The following ZPLD1 variants were observed in gnomAD, a reference collection of about 807,000 sequenced individuals.
ZPLD1 encodes zona pellucida like domain containing 1, also known as zona pellucida-like domain-containing protein 1.
A neutral mutation model predicts 47.2 loss-of-function variants in ZPLD1; 34 were observed. The ratio of observed to expected loss-of-function variants is 0.72; its 90% CI spans 0.55 to 0.96. The LOEUF (loss-of-function observed/expected upper bound fraction) is 0.96. Ranked by LOEUF, ZPLD1 falls within the 40% of genes least tolerant of loss-of-function variation. The pLI, the probability that ZPLD1 is intolerant of heterozygous loss-of-function variation, is 0.00. For missense variants in ZPLD1, 512 were observed against 505.8 expected (o/e 1.01, Z -0.12); for synonymous variants, 176 against 186.2 (o/e 0.95, Z 0.45).
At chr3:102,433,666 T>TCCCG (rs1707044749), upstream of ZPLD1, among the ~76,000 whole-genome samples, 1 of 152,168 alleles carries the variant, frequency 6.6e-6, no homozygotes, top group Non-Finnish European at 1.5e-5. Flanking sequence ...TAACTGGGAC[T>TCCCG]AAGGCACCCG....
At chr3:102,476,907 A>G (rs1707765727) in intron 10 of ZPLD1, 105 bp from the exon 11 acceptor site, 2 of 1,333,136 alleles carry the variant, frequency 1.5e-6, no homozygotes, top group Non-Finnish European at 2.1e-6. Flanking sequence ...GTAAGAGGAG[A>G]TAACAGGTAA....
chr3:102,469,364 G>T (rs577231598), intron 9 of ZPLD1, among the ~76,000 whole-genome samples: 1 of 152,178 alleles, frequency 6.6e-6, no homozygotes, highest in Non-Finnish European at 1.5e-5. Context: ...AATTTAATTA[G>T]ATTATTCTTT....
chr3:102,445,080 A>G (rs183838470), intron 3 of ZPLD1, among the ~76,000 whole-genome samples: 2 of 152,158 alleles, frequency 1.3e-5, no homozygotes. Context: ...TTATGAAAAC[A>G]CTGCCCCGCT....
At chr3:102,426,248 T>G (rs566449257) in intron 8 of ZPLD1, among the ~76,000 whole-genome samples, 1 of 152,188 alleles carries the variant, frequency 6.6e-6, no homozygotes, top group South Asian at 2.1e-4. Context: ...CCGGGTGCGG[T>G]GGCTCACGCC....
At chr3:102,423,858 T>G (rs1706910004) in intron 8 of ZPLD1, among the ~76,000 whole-genome samples, 1 of 152,136 alleles carries the variant, frequency 6.6e-6, no homozygotes, top group African/African-American at 2.4e-5. Flanking sequence ...ATAAGCAGCG[T>G]GCTAGCCATG....
At chr3:102,430,882 G>A (rs1387787078), upstream of ZPLD1, among the ~76,000 whole-genome samples, 1 of 152,106 alleles carries the variant, frequency 6.6e-6, no homozygotes, top group Non-Finnish European at 1.5e-5. Context: ...AAGATAACTA[G>A]TAAAATTATT....
chr3:102,421,022 T>C (rs1404135309), intron 8 of ZPLD1, among the ~76,000 whole-genome samples: 1 of 151,934 alleles, frequency 6.6e-6, no homozygotes, highest in African/African-American at 2.4e-5. Flanking sequence ...AATGGCTTTG[T>C]TTGTAAAGTT....
intron 7 of ZPLD1, among the ~76,000 whole-genome samples, chr3:102,463,866 C>T (rs1265453418): frequency 1.4e-5 from 2 of 143,124 alleles, no homozygotes; most frequent in African/African-American, 5.3e-5. Context: ...GGTGAAACCC[C>T]GTCTCTATTA....
chr3:102,471,906 C>G (rs1437848560), intron 10 of ZPLD1, among the ~76,000 whole-genome samples: 2 of 152,128 alleles, frequency 1.3e-5, no homozygotes, highest in Non-Finnish European at 2.9e-5. Context: ...CTGATTTGGA[C>G]TATGTGCTAA....
At chr3:102,444,968 A>C (rs780364161) in intron 3 of ZPLD1, among the ~76,000 whole-genome samples, 22 of 152,184 alleles carry the variant, frequency 1.4e-4, no homozygotes, top group African/African-American at 5.3e-4. Flanking sequence ...TGATTCCCCA[A>C]GACTGCATGT....
chr3:102,417,193 G>A (rs1405434653), intron 7 of ZPLD1, among the ~76,000 whole-genome samples: 2 of 151,914 alleles, frequency 1.3e-5, no homozygotes, highest in Non-Finnish European at 2.9e-5. Flanking sequence ...AGCGCAATGT[G>A]CTTTTTTCAG....
At chr3:102,437,584 T>A (rs771145571) in intron 2 of ZPLD1, among the ~76,000 whole-genome samples, 1 of 152,240 alleles carries the variant, frequency 6.6e-6, no homozygotes, top group African/African-American at 2.4e-5. Flanking sequence ...AAGATTCTTT[T>A]CAGTGTACAA....
chr3:102,436,475 A>G (rs868378913), intron 1 of ZPLD1, among the ~76,000 whole-genome samples: 1 of 152,228 alleles, frequency 6.6e-6, no homozygotes, highest in African/African-American at 2.4e-5. Context: ...AAAAAGCTAA[A>G]GAAAACAGCT....
chr3:102,392,687 G>C (rs1054742471), intron 7 of ZPLD1, among the ~76,000 whole-genome samples: 7 of 152,028 alleles, frequency 4.6e-5, no homozygotes, highest in Non-Finnish European at 7.4e-5. Context: ...CCATTTAAGA[G>C]GGCAGAGTCC....
chr3:102,423,280 A>G (rs540737557), intron 8 of ZPLD1, among the ~76,000 whole-genome samples: 15 of 152,208 alleles, frequency 9.9e-5, no homozygotes, highest in African/African-American at 3.6e-4. Flanking sequence ...TGGTGAGGAA[A>G]AAGAAAATAT....
chr3:102,398,799 A>G (rs1434971421), intron 7 of ZPLD1, among the ~76,000 whole-genome samples: 2 of 152,164 alleles, frequency 1.3e-5, no homozygotes, highest in South Asian at 2.1e-4. Context: ...AGGCATGTCT[A>G]TTGGATTCTT....
chr3:102,409,811 G>C (rs1352658308), intron 7 of ZPLD1, among the ~76,000 whole-genome samples: 1 of 151,732 alleles, frequency 6.6e-6, no homozygotes, highest in East Asian at 1.9e-4. Flanking sequence ...GCTCCACTGT[G>C]GATCGAAGTC....
chr3:102,409,985 T>C (rs966271647), intron 7 of ZPLD1, among the ~76,000 whole-genome samples: 1 of 151,798 alleles, frequency 6.6e-6, no homozygotes, highest in Non-Finnish European at 1.5e-5. Context: ...GATTAGGTTT[T>C]GCACAAATTA....
intron 3 of ZPLD1, among the ~76,000 whole-genome samples, chr3:102,438,811 C>T (rs1211086045): frequency 6.6e-6 from 1 of 152,032 alleles, no homozygotes; most frequent in African/African-American, 2.4e-5. Flanking sequence ...ATAATGGCTG[C>T]TCACAGATAT....
Sources: allele counts gnomAD v4.1 joint callset (sites outside exome capture counted in the v4.1 genomes callset), GRCh38; gene constraint gnomAD v4.1.1; transcripts MANE v1.5; gene names NCBI Gene and HGNC (gene_info 2026-07-23, HGNC 2026-07-21).